Variants in PYY observed in about 807,000 individuals in gnomAD.
PYY encodes peptide tyrosine tyrosine.
PYY carries 12 observed loss-of-function variants against 10.3 expected under a neutral mutation model. The observed-to-expected ratio is 1.17, with a 90% CI of 0.75 to 1.89. The LOEUF (loss-of-function observed/expected upper bound fraction) is 1.89, where lower values mean the gene tolerates loss of function less well. PYY is among the 40% of genes most tolerant of loss of function. PYY has a pLI of 0.00. For synonymous variants in PYY, 66 were observed against 62.0 expected (o/e 1.06, Z -0.30); for missense variants, 141 against 134.0 (o/e 1.05, Z -0.26).
chr17:43,969,609 T>C (rs1488898157), intron 1 of PYY, among the ~76,000 whole-genome samples: 2 of 147,842 alleles, frequency 1.4e-5, no homozygotes, highest in African/African-American at 2.5e-5. Context: ...TAAAAAACAA[T>C]ACTCTTAGGC....
At chr17:43,970,526 G>C (rs909507368) in intron 1 of PYY, among the ~76,000 whole-genome samples, 2 of 151,864 alleles carry the variant, frequency 1.3e-5, no homozygotes, top group African/African-American at 2.4e-5. Flanking sequence ...AAAAGACAGT[G>C]AGTGTAGTAC....
At chr17:43,968,883 G>A (rs1380125806) in intron 1 of PYY, among the ~76,000 whole-genome samples, 2 of 152,030 alleles carry the variant, frequency 1.3e-5, no homozygotes, top group South Asian at 2.1e-4. Flanking sequence ...CAAGGCGGGT[G>A]GATCGCCTGA....
intron 1 of PYY, among the ~76,000 whole-genome samples, chr17:43,970,918 G>T (rs1386617636): frequency 6.6e-6 from 1 of 152,144 alleles, no homozygotes. Flanking sequence ...TTTTCTTGCT[G>T]AATAGTAAAT....
At chr17:43,990,374 G>T (rs2048948365) in intron 1 of PYY, among the ~76,000 whole-genome samples, 1 of 150,444 alleles carries the variant, frequency 6.6e-6, no homozygotes, top group South Asian at 2.1e-4. Flanking sequence ...AGGAGGTGGA[G>T]GTTGTAGTGA....
intron 1 of PYY, among the ~76,000 whole-genome samples, chr17:43,981,953 C>T (rs1483860889): frequency 1.3e-5 from 2 of 152,156 alleles, no homozygotes; most frequent in East Asian, 1.9e-4. Context: ...CATCCTGTAG[C>T]GTGCCTTTCC....
intron 2 of PYY, among the ~76,000 whole-genome samples, chr17:43,964,284 T>C (rs185278640): frequency 1.3e-5 from 2 of 152,354 alleles, no homozygotes; most frequent in East Asian, 3.9e-4. Flanking sequence ...ACCTCCCAGC[T>C]ATTCTGTCCT....
intron 1 of PYY, among the ~76,000 whole-genome samples, chr17:43,997,134 G>A (rs1489983226): frequency 1.3e-5 from 2 of 152,042 alleles, no homozygotes; most frequent in African/African-American, 2.4e-5. Flanking sequence ...TGCCTCCCAG[G>A]TTCAAGTGAT....
At chr17:43,984,855 T>C (rs2143943763) in intron 1 of PYY, among the ~76,000 whole-genome samples, 1 of 152,362 alleles carries the variant, frequency 6.6e-6, no homozygotes, top group East Asian at 1.9e-4. Context: ...ATCTCGATTT[T>C]GCTCTTAATT....
intron 2 of PYY, among the ~76,000 whole-genome samples, chr17:43,959,649 T>C (rs1226417755): frequency 6.6e-6 from 1 of 152,118 alleles, no homozygotes; most frequent in Non-Finnish European, 1.5e-5. Context: ...TCCACAGCGC[T>C]CCAGCCTGGG....
intron 1 of PYY, among the ~76,000 whole-genome samples, chr17:43,970,963 T>C (rs1243401042): frequency 6.6e-6 from 1 of 152,222 alleles, no homozygotes; most frequent in Non-Finnish European, 1.5e-5. Flanking sequence ...TTTACTCAGT[T>C]ACCCATTGAA....
At chr17:43,990,399 A>G (rs371436009) in intron 1 of PYY, among the ~76,000 whole-genome samples, 10 of 148,286 alleles carry the variant, frequency 6.7e-5, no homozygotes, top group African/African-American at 2.2e-4. Context: ...AGATCGCACC[A>G]TTGCACTCCA....
At chr17:43,973,517 G>T (rs1375692472) in intron 1 of PYY, among the ~76,000 whole-genome samples, 2 of 152,174 alleles carry the variant, frequency 1.3e-5, no homozygotes, top group African/African-American at 4.8e-5. Context: ...AACAAAGCTG[G>T]GCGTGGTTGC....
At chr17:43,973,491 C>T (rs987186743) in intron 1 of PYY, among the ~76,000 whole-genome samples, 9 of 152,148 alleles carry the variant, frequency 5.9e-5, no homozygotes, top group African/African-American at 2.2e-4. Flanking sequence ...CAATCTATTC[C>T]TATACGTTAC....
chr17:43,954,242 T>G (rs2048657658), upstream of PYY, among the ~76,000 whole-genome samples: 1 of 152,102 alleles, frequency 6.6e-6, no homozygotes. Flanking sequence ...GGATCTAGAC[T>G]CCTGGGGCAG....
chr17:43,972,192 T>TTTAC (rs1296631649), intron 1 of PYY, among the ~76,000 whole-genome samples: 1 of 18,106 alleles, frequency 5.5e-5, no homozygotes, highest in Non-Finnish European at 1.6e-4. Context: ...TTTATTTTAT[T>TTTAC]TTATTTATTT....
intron 1 of PYY, among the ~76,000 whole-genome samples, chr17:43,984,525 T>G (rs2048903827): frequency 6.6e-6 from 1 of 152,236 alleles, no homozygotes; most frequent in South Asian, 2.1e-4. Context: ...TTTCCCCCAT[T>G]TCGCAGAGGT....
At chr17:43,986,809 A>G (rs1432822727) in intron 1 of PYY, among the ~76,000 whole-genome samples, 1 of 152,178 alleles carries the variant, frequency 6.6e-6, no homozygotes, top group East Asian at 1.9e-4. Flanking sequence ...GTGGATTCTC[A>G]ACACCAGCTG....
intron 2 of PYY, among the ~76,000 whole-genome samples, chr17:43,964,584 C>T (rs1345882399): frequency 2.6e-5 from 4 of 152,306 alleles, no homozygotes; most frequent in Middle Eastern, 6.8e-3. Context: ...AACCCCGTCT[C>T]TACTAAAAAT....
intron 1 of PYY, among the ~76,000 whole-genome samples, chr17:43,994,319 C>T (rs929811679): frequency 6.6e-6 from 1 of 152,080 alleles, no homozygotes; most frequent in African/African-American, 2.4e-5. Context: ...CCTGCAGCGG[C>T]TCCCCAGGTC....
Sources: gnomAD v4.1 joint callset for allele counts (sites outside exome capture counted in the v4.1 genomes callset) on GRCh38, gnomAD v4.1.1 for gene constraint, MANE v1.5 for transcripts, NCBI Gene and HGNC (gene_info 2026-07-23, HGNC 2026-07-21) for gene names.